Variants in RASA3 observed in about 807,000 individuals in gnomAD.
The protein encoded by RASA3 is RAS p21 protein activator 3.
A neutral mutation model predicts 110.0 loss-of-function variants in RASA3; 73 were observed. The ratio of observed to expected loss-of-function variants is 0.66; its 90% CI spans 0.55 to 0.81. The LOEUF is 0.81. Among genes scored for constraint, RASA3 ranks in the 30% least tolerant of loss-of-function variants. The pLI, the probability that RASA3 is intolerant of heterozygous loss-of-function variation, is 0.00. For missense variants in RASA3, 976 were observed against 1,113.2 expected (o/e 0.88, Z 1.75); for synonymous variants, 500 against 451.4 (o/e 1.11, Z -1.37).
intron 4 of RASA3, among the ~76,000 whole-genome samples, chr13:114,036,688 C>T (rs1353821597): frequency 2.0e-5 from 3 of 152,188 alleles, no homozygotes; most frequent in African/African-American, 7.2e-5. Flanking sequence ...CAGGCATGCG[C>T]CACCACGCCC....
rs199766447 is a variant in RASA3 at position 114,016,241 on chromosome 13, C to T, written c.1237G>A (p.Asp413Asn). The T allele has an allele frequency of 6.2e-6, 10 of 1,602,532 alleles. No homozygotes were observed. In the East Asian group the frequency reaches 6.7e-5, roughly 11 times the overall value. Reference sequence around the variant, plus strand: ...TCTCCGTCTTTCAACTTCACAGGGTCGATTTCACAGGGTTTGTGGCTCTGG... The same window carrying T: ...TCTCCGTCTTTCAACTTCACAGGGTTGATTTCACAGGGTTTGTGGCTCTGG... ...ICQSHKPCEI[D>N]PVKLKDGENL... Residue 413 changes from aspartate (D) to asparagine (N), a missense_variant, in exon 13 of 24, where the codon GAC becomes AAC. Coordinates refer to ENST00000334062, the MANE Select transcript of RASA3 (RefSeq NM_007368.4).
intron 23 of RASA3, among the ~76,000 whole-genome samples, chr13:113,979,631 C>CATGT (rs1448103513): frequency 6.6e-6 from 1 of 152,208 alleles, no homozygotes; most frequent in East Asian, 1.9e-4. Flanking sequence ...CGTGCAAGTA[C>CATGT]ATGTGCACGT....
chr13:114,063,455 TTA>T (rs753122648), intron 2 of RASA3, among the ~76,000 whole-genome samples: 69 of 151,684 alleles, frequency 4.5e-4, no homozygotes, highest in Non-Finnish European at 9.4e-4. Flanking sequence ...TAGTAAATAT[TTA>T]TGTTATAAAT....
chr13:114,025,140 G>A (rs758153899), intron 7 of RASA3, among the ~76,000 whole-genome samples: 8 of 151,784 alleles, frequency 5.3e-5, no homozygotes, highest in South Asian at 2.1e-4. Context: ...CCCCTTCTCC[G>A]GGCCTCAGCA....
intron 3 of RASA3, among the ~76,000 whole-genome samples, chr13:114,043,540 T>C (rs886631627): frequency 6.6e-6 from 1 of 152,090 alleles, no homozygotes; most frequent in Non-Finnish European, 1.5e-5. Context: ...CATGGGTTCC[T>C]AAGATCAGCC....
intron 1 of RASA3, among the ~76,000 whole-genome samples, chr13:114,103,139 C>T (rs938788701): frequency 6.6e-6 from 1 of 152,166 alleles, no homozygotes; most frequent in Non-Finnish European, 1.5e-5. Flanking sequence ...CTGTGTCTGG[C>T]AGAGAAGCCA....
chr13:114,076,223 G>C (rs888174860), intron 1 of RASA3, among the ~76,000 whole-genome samples: 1 of 152,198 alleles, frequency 6.6e-6, no homozygotes, highest in Non-Finnish European at 1.5e-5. Flanking sequence ...AATTCAAAAG[G>C]TTCTGGAAAT....
intron 4 of RASA3, among the ~76,000 whole-genome samples, chr13:114,031,465 G>C (rs553762560): frequency 6.7e-6 from 1 of 148,602 alleles, no homozygotes; most frequent in South Asian, 2.2e-4. Context: ...GTAGTGTGTG[G>C]CTGTGTGCAT....
At chr13:114,024,410 A>G (rs925750419) in intron 7 of RASA3, 55 bp from the exon 8 acceptor site, 1 of 1,536,466 alleles carries the variant, frequency 6.5e-7, no homozygotes, top group Non-Finnish European at 9.0e-7. Flanking sequence ...AGGCGGGGGT[A>G]TATGCGGACC....
At chr13:114,026,389 C>A (rs1340912614) in intron 7 of RASA3, among the ~76,000 whole-genome samples, 1 of 152,268 alleles carries the variant, frequency 6.6e-6, no homozygotes, top group African/African-American at 2.4e-5. Flanking sequence ...GCAAAACCAT[C>A]TTCTCCGCCT....
intron 2 of RASA3, among the ~76,000 whole-genome samples, chr13:114,060,603 G>A (rs1040673667): frequency 6.6e-6 from 1 of 152,260 alleles, no homozygotes; most frequent in Non-Finnish European, 1.5e-5. Context: ...GAGGTGACGG[G>A]CCTGCGGGGA....
At chr13:114,083,371 G>A (rs1053853191) in intron 1 of RASA3, among the ~76,000 whole-genome samples, 2 of 152,228 alleles carry the variant, frequency 1.3e-5, no homozygotes, top group Non-Finnish European at 2.9e-5. Flanking sequence ...ATTCCTGGCC[G>A]ATTTCAAGCG....
chr13:114,081,304 G>A (rs2079785146), intron 1 of RASA3, among the ~76,000 whole-genome samples: 1 of 152,150 alleles, frequency 6.6e-6, no homozygotes, highest in African/African-American at 2.4e-5. Context: ...TGGCCTTGGA[G>A]CCAGGTCAGC....
intron 1 of RASA3, among the ~76,000 whole-genome samples, chr13:114,106,127 C>T (rs547039835): frequency 5.9e-4 from 90 of 152,330 alleles, no homozygotes; most frequent in Non-Finnish European, 1.2e-3. Flanking sequence ...GAGCGGCACA[C>T]GGCCTCTGCT....
chr13:113,999,773 C>T (rs1301716505), intron 19 of RASA3, 106 bp from the exon 20 acceptor site: 38 of 239,040 alleles, frequency 1.6e-4, no homozygotes, highest in South Asian at 4.5e-4. Context: ...GGGTCTTTAC[C>T]GGGGGGTCTC....
At chr13:113,993,776 T>A (rs2053171077) in intron 21 of RASA3, among the ~76,000 whole-genome samples, 1 of 131,312 alleles carries the variant, frequency 7.6e-6, no homozygotes. Flanking sequence ...CCACTGCACT[T>A]CAGCCTGGGC....
At chr13:114,123,216 G>C (rs1313794255) in intron 1 of RASA3, among the ~76,000 whole-genome samples, 3 of 152,206 alleles carry the variant, frequency 2.0e-5, no homozygotes, top group Non-Finnish European at 4.4e-5. Flanking sequence ...GCTGAGGCTG[G>C]TCCTCAGGCT....
chr13:113,990,232 T>A (rs2053075839), intron 22 of RASA3, among the ~76,000 whole-genome samples: 1 of 152,006 alleles, frequency 6.6e-6, no homozygotes, highest in African/African-American at 2.4e-5. Context: ...TATAGCAACA[T>A]GAGAACTAAT....
chr13:114,121,114 A>C (rs2139789671), intron 1 of RASA3, among the ~76,000 whole-genome samples: 1 of 152,376 alleles, frequency 6.6e-6, no homozygotes, highest in Admixed American at 6.5e-5. Context: ...TTCTTATACA[A>C]ATACAAAATA....
Sources: allele counts gnomAD v4.1 joint callset (sites outside exome capture counted in the v4.1 genomes callset), GRCh38; gene constraint gnomAD v4.1.1; transcripts MANE v1.5; gene names NCBI Gene and HGNC (gene_info 2026-07-23, HGNC 2026-07-21).